The following LYST variants were observed in gnomAD, a reference collection of about 807,000 sequenced individuals.
LYST encodes the protein lysosomal-trafficking regulator.
Under a neutral mutation model 413.6 loss-of-function variants are expected in LYST, and 192 were observed. That is an observed-to-expected ratio of 0.46 (90% CI 0.41 to 0.52). The LOEUF (loss-of-function observed/expected upper bound fraction) is 0.52, where lower values mean the gene tolerates loss of function less well. Among genes scored for constraint, LYST ranks in the 20% least tolerant of loss-of-function variants. LYST has a pLI of 0.00. For synonymous variants in LYST, 1,525 were observed against 1,567.3 expected (o/e 0.97, Z 0.64); for missense variants, 3,815 against 4,499.9 (o/e 0.85, Z 4.35).
In LYST at chr1:235,808,776, C is replaced by T; in HGVS notation, c.2042G>A (p.Ser681Asn). ...SYRFQGILPS[S>N]GSEDLLWKWD... ...TTTCCACAACAAATCTTCAGATCCACTGCTGGGCAGGATCCCTTGAAATCT... is the reference window on the plus strand; with the variant it reads ...TTTCCACAACAAATCTTCAGATCCATTGCTGGGCAGGATCCCTTGAAATCT... Residue 681 changes from serine to asparagine, a missense_variant, in exon 5 of 53, where the codon AGT becomes AAT. By Grantham distance (46) the Ser-to-Asn change is conservative (BLOSUM62 1). This residue lies in a region of LYST where 1,648 missense variants were observed against 1,810.3 expected (regional missense o/e 0.91). Coordinates refer to ENST00000389793, the MANE Select transcript of LYST (RefSeq NM_000081.4). The T allele has an allele frequency of 3.7e-6, 6 of 1,614,026 alleles. No homozygotes were observed. The highest frequency in any genetic ancestry group is 5.1e-6 in the Non-Finnish European group (6 of 1,180,000).
intron 13 of LYST, 27 bp from the exon 14 acceptor site, chr1:235,787,400 C>A (rs762290270): frequency 5.7e-5 from 92 of 1,600,516 alleles, no homozygotes; most frequent in Admixed American, 1.8e-4. Context: ...AAGGCATAGG[C>A]TGAAAACATG....
intron 1 of LYST, among the ~76,000 whole-genome samples, chr1:235,834,976 G>A (rs576221063): frequency 5.9e-5 from 9 of 151,900 alleles, no homozygotes; most frequent in South Asian, 2.1e-4. Context: ...GTGCAGTGGC[G>A]CGATCTCGGG....
At position 235,803,069 on chromosome 1, in the gene LYST, A is replaced by AATAT; in HGVS notation, c.3556-6_3556-5insATAT. 6.2e-7 allele frequency: 1 copy of AATAT among 1,608,810 alleles called. No individual in the cohort carries two copies. The highest frequency in any genetic ancestry group is 8.5e-7 in the Non-Finnish European group (1 of 1,176,578). On this transcript the variant is annotated splice_polypyrimidine_tract_variant and splice_region_variant and intron_variant, in intron 7 of 52. Coordinates refer to ENST00000389793, the MANE Select transcript of LYST (RefSeq NM_000081.4). ...TTCTTCTGCAGATTGATGACTCTAT[A>AATAT]AATCAGTGTAATTCAAAGGTTGTAA... is the stretch of plus-strand genomic sequence containing the variant.
At chr1:235,703,469 A>AT (rs1261730520) in intron 44 of LYST, among the ~76,000 whole-genome samples, 1 of 152,158 alleles carries the variant, frequency 6.6e-6, no homozygotes, top group Non-Finnish European at 1.5e-5. Context: ...TAAGAAGCAT[A>AT]TTTTTTCTTA....
chr1:235,805,517 T>G lies in LYST; in HGVS notation c.3393+226A>C, dbSNP rs13376601. ...CAACTTTGAAACACAATATCCATTA[T>G]TATTCATCTGACACTTATAAAATGT... is the stretch of plus-strand genomic sequence containing the variant. On this transcript the variant is annotated intron_variant, in intron 6 of 52. Transcript: ENST00000389793. Among the ~76,000 whole-genome samples the G allele has an allele frequency of 0.027, 4,116 of 151,920 alleles. 164 individuals carry two copies. The highest frequency in any genetic ancestry group is 0.094 in the African/African-American group (3,881 of 41,426).
At chr1:235,837,019 C>T (rs552831185) in intron 1 of LYST, among the ~76,000 whole-genome samples, 9 of 152,232 alleles carry the variant, frequency 5.9e-5, no homozygotes, top group South Asian at 2.1e-4. Flanking sequence ...TGCTGTTCAC[C>T]GGAGCTTTCT....
chr1:235,713,874 T>C (rs1158534527), intron 42 of LYST, among the ~76,000 whole-genome samples: 2 of 152,170 alleles, frequency 1.3e-5, no homozygotes, highest in Non-Finnish European at 2.9e-5. Flanking sequence ...TATTCATAAA[T>C]ACATAATGAA....
chr1:235,673,493 A>G (rs1357624437), intron 50 of LYST, among the ~76,000 whole-genome samples: 3 of 151,986 alleles, frequency 2.0e-5, no homozygotes, highest in Non-Finnish European at 4.4e-5. Context: ...ACCAAAAATC[A>G]AGGTTAGACA....
intron 1 of LYST, among the ~76,000 whole-genome samples, chr1:235,862,367 A>T (rs959459342): frequency 1.3e-5 from 2 of 152,236 alleles, no homozygotes; most frequent in African/African-American, 4.8e-5. Context: ...TATTAAATGG[A>T]AAATTCCAGA....
At chr1:235,692,743 G>A (rs1660764771) in intron 47 of LYST, among the ~76,000 whole-genome samples, 1 of 151,986 alleles carries the variant, frequency 6.6e-6, no homozygotes. Flanking sequence ...GTTTACATGG[G>A]CCAGACACAG....
At chr1:235,732,067 T>A (rs1309231906) in intron 34 of LYST, among the ~76,000 whole-genome samples, 1 of 150,432 alleles carries the variant, frequency 6.6e-6, no homozygotes, top group East Asian at 1.9e-4. Flanking sequence ...GTTGTTGTCT[T>A]TTTTTTTTAA....
upstream of LYST, among the ~76,000 whole-genome samples, chr1:235,871,696 G>A (rs1680932591): frequency 6.6e-6 from 1 of 152,174 alleles, no homozygotes; most frequent in African/African-American, 2.4e-5. Flanking sequence ...TGCTTTCTAA[G>A]GACACCCTAC....
At chr1:235,765,544 T>C (rs1558211229) in intron 21 of LYST, among the ~76,000 whole-genome samples, 2 of 152,220 alleles carry the variant, frequency 1.3e-5, no homozygotes, top group Non-Finnish European at 2.9e-5. Flanking sequence ...AATGGTGGTC[T>C]TAAACTGTAT....
At chr1:235,863,292 T>G (rs1680118376) in intron 1 of LYST, among the ~76,000 whole-genome samples, 1 of 151,988 alleles carries the variant, frequency 6.6e-6, no homozygotes, top group South Asian at 2.1e-4. Context: ...CTCTGGAGGC[T>G]GAGGCAGGAG....
intron 50 of LYST, among the ~76,000 whole-genome samples, chr1:235,676,073 CTGT>C (rs2103033539): frequency 6.6e-6 from 1 of 152,282 alleles, no homozygotes; most frequent in East Asian, 1.9e-4. Flanking sequence ...AATTTTCTAA[CTGT>C]TCTTTTCTGC....
intron 37 of LYST, 129 bp from the exon 38 acceptor site, chr1:235,728,260 C>T (rs1463273001): frequency 2.9e-6 from 2 of 698,974 alleles, no homozygotes; most frequent in Non-Finnish European, 5.2e-6. Flanking sequence ...GTTCCTGGCA[C>T]TCAATAAATA....
In LYST at chr1:235,766,102, T is replaced by G; in HGVS notation, c.6098A>C (p.Asn2033Thr). 6.2e-7 allele frequency: 1 copy of G among 1,613,366 alleles called. No homozygotes were observed. Reference sequence around the variant, plus strand: ...ACCTATGTGCAAAGAAAAGTAGAAGTTCGTGGGATTGTGACAAACGTAAGT... The same window carrying G: ...ACCTATGTGCAAAGAAAAGTAGAAGGTCGTGGGATTGTGACAAACGTAAGT... ...TNTYVCHNPT[N>T]FYFSLHIDGK... The change falls in exon 21 of 53, where the codon AAC becomes ACC. Residue 2033 changes from asparagine (N) to threonine (T), a missense_variant. Asn to Thr is a moderately conservative substitution (Grantham distance 65). Around this residue, in one of 4 missense-constraint regions of LYST, gnomAD observed 530 missense variants for 696.5 expected, o/e 0.76. Coordinates refer to ENST00000389793, the MANE Select transcript of LYST (RefSeq NM_000081.4).
chr1:235,796,397 T>C (rs1671557803), intron 10 of LYST, among the ~76,000 whole-genome samples: 1 of 151,850 alleles, frequency 6.6e-6, no homozygotes, highest in East Asian at 1.9e-4. Flanking sequence ...CTAGAATACA[T>C]AAAAAAAACC....
chr1:235,715,476 G>T, intron 41 of LYST, 119 bp from the exon 42 acceptor site: 1 of 930,880 alleles, frequency 1.1e-6, no homozygotes, highest in Non-Finnish European at 1.7e-6. Flanking sequence ...ATTCTCCATG[G>T]CTGGCCCTCC....
Sources: gnomAD v4.1 joint callset for allele counts (sites outside exome capture counted in the v4.1 genomes callset) on GRCh38, gnomAD v4.1.1 for gene constraint, gnomAD v4.1.1 regional missense constraint, MANE v1.5 for transcripts, NCBI Gene and HGNC (gene_info 2026-07-23, HGNC 2026-07-21) for gene names.